ZMYND11: variants seen among roughly 807,000 people sequenced by gnomAD.
ZMYND11 encodes the protein zinc finger MYND domain-containing protein 11.
A neutral mutation model predicts 84.9 loss-of-function variants in ZMYND11; 9 were observed. The observed-to-expected ratio is 0.11, with a 90% confidence interval of 0.06 to 0.18. The LOEUF is 0.18. ZMYND11 is among the 10% of genes least tolerant of loss of function. The probability of loss-of-function intolerance (pLI) is 1.00; values close to 1 mark genes in which losing one functional copy is unlikely to be tolerated. For synonymous variants in ZMYND11, 250 were observed against 244.1 expected, an observed-to-expected ratio of 1.02 and a Z score of -0.23; for missense variants, 409 against 761.0, an observed-to-expected ratio of 0.54 and a Z score of 5.44.
intron 10 of ZMYND11, among the ~76,000 whole-genome samples, chr10:243,374 A>AAAAACAAGAATTCAGTTATTTTT (rs1245602415): frequency 3.3e-5 from 5 of 152,240 alleles, no homozygotes; most frequent in Non-Finnish European, 7.3e-5. Context: ...TTAACTTAGA[A>AAAAACAAGAATTCAGTTATTTTT]AAAACAAGAA....
At chr10:236,687 G>A (rs193111152) in intron 4 of ZMYND11, 151 bp from the exon 5 acceptor site, 1 of 627,776 alleles carries the variant, frequency 1.6e-6, no homozygotes, top group Non-Finnish European at 2.7e-6. Context: ...TTATGCAAAT[G>A]TCAAAGATTT....
chr10:130,938 C>T (rs781985437), upstream of ZMYND11, among the ~76,000 whole-genome samples: 3 of 151,872 alleles, frequency 2.0e-5, no homozygotes, highest in Non-Finnish European at 2.9e-5. Context: ...AGCAACATGG[C>T]GAAACCCCAT....
intron 4 of ZMYND11, among the ~76,000 whole-genome samples, chr10:231,357 A>G (rs918481313): frequency 1.3e-5 from 2 of 152,222 alleles, no homozygotes; most frequent in Non-Finnish European, 2.9e-5. Flanking sequence ...CTCTAGCTGC[A>G]TAGATAAATA....
intron 2 of ZMYND11, among the ~76,000 whole-genome samples, chr10:191,326 C>T (rs1306738657): frequency 2.6e-5 from 4 of 152,184 alleles, no homozygotes; most frequent in Non-Finnish European, 5.9e-5. Flanking sequence ...TTCCTTCCGG[C>T]ATTTTTTAAT....
At chr10:249,538 TTTTAC>T (rs1195962651) in intron 14 of ZMYND11, 5 of 984,916 alleles carry the variant, frequency 5.1e-6, no homozygotes, top group Non-Finnish European at 6.0e-6. Flanking sequence ...AATCAGTTAC[TTTTAC>T]TTTATAGTAG....
In ZMYND11 at chr10:136,242, G is replaced by C. The variant is rs184883948; in HGVS notation, c.-20+683G>C. On this transcript the variant is annotated intron_variant, in intron 1 of 14. Transcript: ENST00000381604. Reference sequence around the variant, plus strand: ...TGCTGAGGACGCGGCTGGGACGAGGGGGGGCGCCGGGACCCGGACTTTCAC... The same window carrying C: ...TGCTGAGGACGCGGCTGGGACGAGGCGGGGCGCCGGGACCCGGACTTTCAC... Among the ~76,000 whole-genome samples, 740 of 152,288 alleles carry C rather than the reference G, an allele frequency of 4.9e-3. 18 individuals carry two copies. The highest frequency in any genetic ancestry group is 2.5e-3 in the Non-Finnish European group (167 of 68,000).
chr10:230,371 G>A (rs911383443), intron 4 of ZMYND11, among the ~76,000 whole-genome samples: 1 of 151,372 alleles, frequency 6.6e-6, no homozygotes, highest in Non-Finnish European at 1.5e-5. Flanking sequence ...TACTCAGGAG[G>A]CTGAGGCAGA....
At chr10:136,657 T>C (rs544062718) in intron 1 of ZMYND11, among the ~76,000 whole-genome samples, 1 of 152,224 alleles carries the variant, frequency 6.6e-6, no homozygotes, top group Non-Finnish European at 1.5e-5. Context: ...TGGATAGTAT[T>C]GAATATATTT....
chr10:209,317 G>C (rs1340541174), intron 2 of ZMYND11, among the ~76,000 whole-genome samples: 1 of 152,138 alleles, frequency 6.6e-6, no homozygotes, highest in Non-Finnish European at 1.5e-5. Flanking sequence ...GCGTGCTTCA[G>C]TGACTCAAAG....
intron 1 of ZMYND11, among the ~76,000 whole-genome samples, chr10:144,451 G>T (rs543651204): frequency 2.4e-4 from 37 of 151,942 alleles, no homozygotes; most frequent in African/African-American, 8.7e-4. Context: ...CGAACACCTA[G>T]GCTCAAGTGT....
At position 229,547 on chromosome 10, in the gene ZMYND11, C is replaced by T. The variant is rs17157817; in HGVS notation, c.439-7291C>T. Among the ~76,000 whole-genome samples, 224 of 152,092 alleles carry T rather than the reference C, an allele frequency of 1.5e-3. 5 individuals carry two copies. The East Asian group carries it at 0.037, about 25-fold the overall frequency. Reference sequence around the variant, plus strand: ...GAATCCTGTGTAGTTTAATGTGATTCGTTCCATAGGCAGAAGTGGGTAGGT... The same window carrying T: ...GAATCCTGTGTAGTTTAATGTGATTTGTTCCATAGGCAGAAGTGGGTAGGT... On this transcript the variant is annotated intron_variant, in intron 4 of 14. Coordinates refer to ENST00000381604, the MANE Select transcript of ZMYND11 (RefSeq NM_001370100.5).
rs995846971 is a variant in ZMYND11 at position 253,632 on chromosome 10, C to T, written c.*1162C>T. On this transcript the variant is annotated 3_prime_UTR_variant, in exon 15 of 15. Transcript: ENST00000381604. ...TTTTTATACATAGATATATAAAATA[C>T]AGCCAGGAAAACTTAAATTACTTTT... 1 of 152,562 alleles carries T rather than the reference C, an allele frequency of 6.6e-6. No homozygotes were observed. Among genetic ancestry groups the T allele is most frequent in the Non-Finnish European group, 1.5e-5 (1 of 68,024 alleles). The allele number at this position is 152,562 out of a possible 1,614,324, so 9.5% of individuals were successfully genotyped here.
At chr10:185,957 A>G (rs750596637) in intron 2 of ZMYND11, among the ~76,000 whole-genome samples, 2 of 152,092 alleles carry the variant, frequency 1.3e-5, no homozygotes, top group Non-Finnish European at 2.9e-5. Flanking sequence ...GTTGTGTACT[A>G]CACTGGACAC....
chr10:181,795 A>G (rs1238199255), intron 2 of ZMYND11, among the ~76,000 whole-genome samples: 1 of 152,218 alleles, frequency 6.6e-6, no homozygotes, highest in African/African-American at 2.4e-5. Flanking sequence ...TACTATGTGA[A>G]CAATAAGAAT....
At chr10:170,431 C>CGTGTGT (rs147441773) in intron 1 of ZMYND11, among the ~76,000 whole-genome samples, 3,111 of 147,766 alleles carry the variant, frequency 0.021, 98 homozygotes, top group African/African-American at 0.071. Flanking sequence ...ATTATGTGTG[C>CGTGTGT]GTGTGTGTGT....
chr10:168,766 T>A (rs144325191), intron 1 of ZMYND11, among the ~76,000 whole-genome samples: 1 of 152,094 alleles, frequency 6.6e-6, no homozygotes, highest in East Asian at 1.9e-4. Flanking sequence ...GACAGATAGG[T>A]AGATATAAAG....
intron 5 of ZMYND11, among the ~76,000 whole-genome samples, chr10:237,281 A>G (rs943968910): frequency 1.3e-5 from 2 of 152,224 alleles, no homozygotes; most frequent in African/African-American, 2.4e-5. Context: ...ATATTAAACT[A>G]TATAGTAGTA....
At chr10:178,757 C>G (rs1037167962) in intron 1 of ZMYND11, among the ~76,000 whole-genome samples, 3 of 152,112 alleles carry the variant, frequency 2.0e-5, no homozygotes, top group Non-Finnish European at 2.9e-5. Flanking sequence ...TAAACATGTT[C>G]AAAATGTATT....
chr10:185,152 A>G (rs1282986195), intron 2 of ZMYND11, among the ~76,000 whole-genome samples: 5 of 152,152 alleles, frequency 3.3e-5, no homozygotes, highest in Admixed American at 3.3e-4. Context: ...TTTCAGTGCT[A>G]TTATCAAGTG....
Sources: gnomAD v4.1 joint callset for allele counts (sites outside exome capture counted in the v4.1 genomes callset) on GRCh38, gnomAD v4.1.1 for gene constraint, MANE v1.5 for transcripts, NCBI Gene and HGNC (gene_info 2026-07-23, HGNC 2026-07-21) for gene names.